Variants in NSF observed in about 807,000 individuals in gnomAD.
NSF encodes N-ethylmaleimide sensitive factor, vesicle fusing ATPase, also known as vesicle-fusing ATPase.
Under a neutral mutation model 50.3 loss-of-function variants are expected in NSF, and 14 were observed. That is an observed-to-expected ratio of 0.28 (90% CI 0.18 to 0.44). NSF has a LOEUF of 0.44. Ranked by LOEUF, NSF falls within the 20% of genes least tolerant of loss-of-function variation. The probability of loss-of-function intolerance (pLI) is 1.00; values close to 1 mark genes in which losing one functional copy is unlikely to be tolerated. For missense variants in NSF, 218 were observed against 504.3 expected (o/e 0.43, Z 5.44); for synonymous variants, 109 against 175.7 (o/e 0.62, Z 3.00).
At chr17:46,734,607 C>G (rs911919618) in intron 17 of NSF, among the ~76,000 whole-genome samples, 2 of 152,022 alleles carry the variant, frequency 1.3e-5, no homozygotes, top group African/African-American at 2.4e-5. Flanking sequence ...TTCTTGTTTT[C>G]TGGACAGAAA....
At chr17:46,667,759 A>C in intron 8 of NSF, among the ~76,000 whole-genome samples, 1 of 121,428 alleles carries the variant, frequency 8.2e-6, no homozygotes, top group African/African-American at 3.0e-5. Flanking sequence ...ATTACCAGCA[A>C]CCACACCACT....
intron 9 of NSF, among the ~76,000 whole-genome samples, chr17:46,679,415 G>GA (rs1246410234): frequency 3.4e-4 from 45 of 133,720 alleles, no homozygotes; most frequent in Non-Finnish European, 4.6e-4. Flanking sequence ...CTAAAATATG[G>GA]AAAAAAACGT....
rs1461446545 is a variant in NSF at position 46,626,110 on chromosome 17, CT to C, written c.99-491del. ...GATGTATTTTAGGAATTTTTTAAAT[CT>C]TTTTTTTTTTTATTTTGTAGGTTGT... On this transcript the variant is annotated intron_variant, in intron 2 of 20. Coordinates refer to ENST00000398238, the MANE Select transcript of NSF (RefSeq NM_006178.4). Among the ~76,000 whole-genome samples, 359 of 125,372 alleles carry C rather than the reference CT, an allele frequency of 2.9e-3. 10 individuals are homozygous for C. The highest frequency in any genetic ancestry group is 3.8e-3 in the Middle Eastern group (1 of 264). The allele number at this position is 125,372 out of a possible 152,430, so 82.2% of individuals were successfully genotyped here.
At chr17:46,723,840 T>C (rs972106442) in intron 15 of NSF, among the ~76,000 whole-genome samples, 3 of 152,250 alleles carry the variant, frequency 2.0e-5, no homozygotes, top group African/African-American at 7.2e-5. Context: ...TCCCCTCTAA[T>C]GCTTTTCTAT....
chr17:46,691,610 CA>C (rs2058547075), intron 9 of NSF, among the ~76,000 whole-genome samples: 1 of 151,576 alleles, frequency 6.6e-6, no homozygotes, highest in Non-Finnish European at 1.5e-5. Flanking sequence ...AACAAACAAA[CA>C]AAACAACGAT....
chr17:46,711,185 G>A (rs143768789), intron 14 of NSF, 66 bp downstream of exon 14: 26 of 1,370,746 alleles, frequency 1.9e-5, no homozygotes, highest in African/African-American at 4.5e-5. Context: ...TTAAAAGCCC[G>A]TAAGCACATT....
chr17:46,697,131 AT>A (rs200396514), intron 12 of NSF, among the ~76,000 whole-genome samples: 37,463 of 146,348 alleles, frequency 0.26, 5,975 homozygotes, highest in Non-Finnish European at 0.33. Context: ...TTAAATCCTT[AT>A]CTTATTCACC....
chr17:46,687,316 G>T (rs897610227), intron 9 of NSF, among the ~76,000 whole-genome samples: 12 of 144,882 alleles, frequency 8.3e-5, no homozygotes, highest in East Asian at 4.1e-4. Flanking sequence ...TTATTCAGTT[G>T]TGTATATCTT....
chr17:46,710,594 G>C (rs539739484), intron 13 of NSF, among the ~76,000 whole-genome samples: 1 of 152,266 alleles, frequency 6.6e-6, no homozygotes, highest in East Asian at 1.9e-4. Context: ...CTATTGCGCT[G>C]TTTCTAAGTC....
chr17:46,725,703 G>A (rs916516302), intron 15 of NSF, among the ~76,000 whole-genome samples: 1 of 152,096 alleles, frequency 6.6e-6, no homozygotes, highest in African/African-American at 2.4e-5. Flanking sequence ...TGTTGGTGCG[G>A]GTGGGGATCG....
At chr17:46,687,404 A>G (rs1283122949) in intron 9 of NSF, among the ~76,000 whole-genome samples, 1 of 151,484 alleles carries the variant, frequency 6.6e-6, no homozygotes, top group African/African-American at 2.4e-5. Flanking sequence ...AAACAAACAA[A>G]CAAAAAAAAT....
intron 17 of NSF, among the ~76,000 whole-genome samples, chr17:46,746,686 C>T (rs2059132388): frequency 6.6e-6 from 1 of 152,102 alleles, no homozygotes; most frequent in South Asian, 2.1e-4. Context: ...TAAAGACAGG[C>T]AGTATATGAT....
intron 1 of NSF, among the ~76,000 whole-genome samples, chr17:46,611,622 GA>G (rs1197556928): frequency 7.3e-6 from 1 of 137,542 alleles, no homozygotes; most frequent in African/African-American, 2.9e-5. Flanking sequence ...ATTAACTGGG[GA>G]AAGAATAATC....
chr17:46,720,166 A>G (rs2058814702), intron 15 of NSF, among the ~76,000 whole-genome samples: 1 of 152,246 alleles, frequency 6.6e-6, no homozygotes, highest in Non-Finnish European at 1.5e-5. Flanking sequence ...TTTGGTTAAC[A>G]TCCTAATATA....
At chr17:46,708,078 G>A (rs1184671520) in intron 13 of NSF, among the ~76,000 whole-genome samples, 2 of 150,510 alleles carry the variant, frequency 1.3e-5, no homozygotes, top group Non-Finnish European at 3.0e-5. Flanking sequence ...ACCACATGTT[G>A]TTATCCATTC....
chr17:46,751,535 C>G lies in NSF; in HGVS notation c.2076C>G (p.Thr692=). The G allele has an allele frequency of 6.2e-7, 1 of 1,613,862 alleles. No homozygotes were observed. The highest frequency in any genetic ancestry group is 8.5e-7 in the Non-Finnish European group (1 of 1,179,914). The change falls in exon 19 of 21, where the codon ACC becomes ACG. Residue 692 remains threonine (T), a synonymous_variant. Coordinates refer to ENST00000398238, the MANE Select transcript of NSF (RefSeq NM_006178.4). ...LLGNFKDKER[T]TIAQQVKGKK... ...GCAACTTCAAGGATAAGGAACGCAC[C>G]ACAATTGCACAGCAAGTCAAAGGGA...
chr17:46,718,905 G>A (rs2058800949), intron 15 of NSF, among the ~76,000 whole-genome samples: 1 of 152,060 alleles, frequency 6.6e-6, no homozygotes, highest in East Asian at 1.9e-4. Flanking sequence ...TCAGAAGTGG[G>A]ATTGCTAAGG....
chr17:46,721,878 G>A, intron 15 of NSF: 2 of 1,583,092 alleles, frequency 1.3e-6, no homozygotes, highest in Non-Finnish European at 8.7e-7. Flanking sequence ...ATTCTCCTCT[G>A]AGCGATAAAG....
intron 16 of NSF, 146 bp from the exon 17 acceptor site, chr17:46,728,709 T>A: frequency 2.2e-6 from 1 of 459,004 alleles, no homozygotes; most frequent in East Asian, 3.3e-5. Context: ...GTTTACTCTT[T>A]AAATTTTTTT....
Sources: allele counts gnomAD v4.1 joint callset (sites outside exome capture counted in the v4.1 genomes callset), GRCh38; gene constraint gnomAD v4.1.1; transcripts MANE v1.5; gene names NCBI Gene and HGNC (gene_info 2026-07-23, HGNC 2026-07-21).